Variants in ESRRG observed in about 807,000 individuals in gnomAD.
ESRRG encodes the protein estrogen-related receptor gamma.
ESRRG carries 13 observed loss-of-function variants against 44.0 expected under a neutral mutation model. The ratio of observed to expected loss-of-function variants is 0.30; its 90% CI spans 0.19 to 0.47. The LOEUF (loss-of-function observed/expected upper bound fraction) is 0.47, where lower values mean the gene tolerates loss of function less well. ESRRG is among the 20% of genes least tolerant of loss of function. ESRRG has a pLI of 1.00. For missense variants in ESRRG, 395 were observed against 580.6 expected, an observed-to-expected ratio of 0.68 and a Z score of 3.29; for synonymous variants, 215 against 214.6, an observed-to-expected ratio of 1.00 and a Z score of -0.02.
chr1:216,572,059 A>G (rs1183249190), intron 3 of ESRRG, among the ~76,000 whole-genome samples: 1 of 152,160 alleles, frequency 6.6e-6, no homozygotes, highest in Non-Finnish European at 1.5e-5. Flanking sequence ...CAAGTAGAAA[A>G]TATTTATACT....
At chr1:217,055,521 TC>T (rs2086901074) in intron 1 of ESRRG, among the ~76,000 whole-genome samples, 2 of 152,050 alleles carry the variant, frequency 1.3e-5, no homozygotes, top group Non-Finnish European at 1.5e-5. Context: ...CTTAACACCC[TC>T]CCCTTAATGC....
intron 5 of ESRRG, among the ~76,000 whole-genome samples, chr1:216,547,934 AGGCATGAGCTATAT>A (rs1402672060): frequency 6.6e-6 from 1 of 152,124 alleles, no homozygotes; most frequent in Non-Finnish European, 1.5e-5. Flanking sequence ...AAAGCTTCAA[AGGCATGAGCTATAT>A]GGCTTTCATC....
chr1:216,731,294 G>T (rs1295689953), intron 2 of ESRRG, among the ~76,000 whole-genome samples: 2 of 152,214 alleles, frequency 1.3e-5, no homozygotes, highest in African/African-American at 4.8e-5. Context: ...CTATTTCTAT[G>T]AGATGTATGA....
intron 2 of ESRRG, among the ~76,000 whole-genome samples, chr1:216,761,773 A>C (rs986919224): frequency 2.0e-5 from 3 of 152,174 alleles, no homozygotes; most frequent in Non-Finnish European, 4.4e-5. Flanking sequence ...GAAAATTGAT[A>C]TGGCTCATTT....
chr1:216,709,048 C>T (rs74561946), intron 1 of ESRRG, among the ~76,000 whole-genome samples: 2,977 of 152,098 alleles, frequency 0.02, 91 homozygotes, highest in African/African-American at 0.067. Flanking sequence ...GGGAACAACA[C>T]ACACTGGGGC....
chr1:217,044,208 C>T (rs1006193851), intron 1 of ESRRG, among the ~76,000 whole-genome samples: 1 of 152,154 alleles, frequency 6.6e-6, no homozygotes, highest in Non-Finnish European at 1.5e-5. Context: ...ATTCTGTCCA[C>T]TGACCACCCT....
At chr1:216,799,329 GCTT>G (rs1253564625) in intron 2 of ESRRG, among the ~76,000 whole-genome samples, 1 of 152,016 alleles carries the variant, frequency 6.6e-6, no homozygotes, top group Non-Finnish European at 1.5e-5. Context: ...GTCCTGTCTT[GCTT>G]CTTCTTCCAT....
At chr1:216,854,353 C>CAAAAAAAAAAAAAAAAAA (rs57421256) in intron 2 of ESRRG, among the ~76,000 whole-genome samples, 4 of 67,100 alleles carry the variant, frequency 6.0e-5, no homozygotes, top group Admixed American at 2.2e-4. Context: ...AAGACACCAT[C>CAAAAAAAAAAAAAAAAAA]AAAAAAAAAA....
intron 3 of ESRRG, among the ~76,000 whole-genome samples, chr1:216,629,875 A>G (rs572380706): frequency 6.0e-4 from 91 of 152,262 alleles, no homozygotes; most frequent in African/African-American, 1.5e-3. Flanking sequence ...CCAGTTTACA[A>G]TTCCTCTCAT....
At chr1:216,654,893 A>G (rs893442293) in intron 2 of ESRRG, among the ~76,000 whole-genome samples, 3 of 152,210 alleles carry the variant, frequency 2.0e-5, no homozygotes, top group African/African-American at 4.8e-5. Flanking sequence ...CATAATTTTT[A>G]TCTTACTTTA....
intron 1 of ESRRG, among the ~76,000 whole-genome samples, chr1:216,953,957 A>T (rs1190147926): frequency 6.6e-6 from 1 of 152,042 alleles, no homozygotes; most frequent in Non-Finnish European, 1.5e-5. Flanking sequence ...GGAAAACATT[A>T]AAAAACCTAT....
chr1:216,635,501 C>T (rs1047894001), intron 3 of ESRRG, among the ~76,000 whole-genome samples: 1 of 152,138 alleles, frequency 6.6e-6, no homozygotes, highest in Admixed American at 6.5e-5. Context: ...ACTGAATGAA[C>T]AGATTAGCAT....
chr1:217,086,476 G>A lies in ESRRG; in HGVS notation c.-106+3031C>T, dbSNP rs139386063. Among the ~76,000 whole-genome samples the A allele has an allele frequency of 5.9e-5, 9 of 152,236 alleles. No individual in the cohort carries two copies. In the South Asian group the frequency reaches 6.2e-4, roughly 11 times the overall value. On this transcript the variant is annotated intron_variant, in intron 1 of 7. Coordinates refer to the ESRRG transcript ENST00000359162. ...TAACAACAAACAACTACTACTGTAC[G>A]CATCATTTCTGATGTGTACAGAAAA... is the stretch of plus-strand genomic sequence containing the variant.
intron 1 of ESRRG, among the ~76,000 whole-genome samples, chr1:216,701,198 T>C (rs995204816): frequency 2.0e-5 from 3 of 152,240 alleles, no homozygotes; most frequent in African/African-American, 7.2e-5. Context: ...CATGCTATTT[T>C]ATGAAATCGC....
At chr1:216,886,462 A>T (rs2096519517) in intron 2 of ESRRG, among the ~76,000 whole-genome samples, 1 of 152,214 alleles carries the variant, frequency 6.6e-6, no homozygotes, top group African/African-American at 2.4e-5. Context: ...TCTAATGGCA[A>T]ACAAAACATA....
chr1:216,751,755 A>T (rs1232581643), intron 2 of ESRRG, among the ~76,000 whole-genome samples: 1 of 152,168 alleles, frequency 6.6e-6, no homozygotes, highest in Non-Finnish European at 1.5e-5. Context: ...CAAAATAAAA[A>T]TCAGAATCAT....
At chr1:216,945,117 C>T (rs145870646) in intron 1 of ESRRG, among the ~76,000 whole-genome samples, 1 of 152,136 alleles carries the variant, frequency 6.6e-6, no homozygotes, top group Non-Finnish European at 1.5e-5. Flanking sequence ...TAAATGAGAG[C>T]GATACCAAGG....
intron 2 of ESRRG, among the ~76,000 whole-genome samples, chr1:216,825,947 C>T (rs1013063826): frequency 1.3e-5 from 2 of 152,114 alleles, no homozygotes; most frequent in African/African-American, 4.8e-5. Flanking sequence ...ATGAAGTCCA[C>T]GTATTGTCTG....
chr1:216,958,456 C>T (rs539624955), intron 1 of ESRRG, among the ~76,000 whole-genome samples: 62 of 152,096 alleles, frequency 4.1e-4, no homozygotes, highest in African/African-American at 1.4e-3. Context: ...TGATATTGTT[C>T]GTTTTAATTT....
Sources: gnomAD v4.1 joint callset for allele counts (sites outside exome capture counted in the v4.1 genomes callset) on GRCh38, gnomAD v4.1.1 for gene constraint, MANE v1.5 for transcripts, NCBI Gene and HGNC (gene_info 2026-07-23, HGNC 2026-07-21) for gene names.